The following KSR1 variants were observed in gnomAD, a reference collection of about 807,000 sequenced individuals.
KSR1 encodes kinase suppressor of ras.
In KSR1, 35 loss-of-function variants were observed where a neutral mutation model predicts 92.9. The observed-to-expected ratio is 0.38, with a 90% CI of 0.29 to 0.50. KSR1 has a LOEUF of 0.50. KSR1 is among the 20% of genes least tolerant of loss of function. The pLI is 0.94. For synonymous variants in KSR1, 467 were observed against 472.6 expected (o/e 0.99, Z 0.15); for missense variants, 972 against 1,158.5 (o/e 0.84, Z 2.34).
At chr17:27,542,652 G>T (rs1324385770) in intron 1 of KSR1, among the ~76,000 whole-genome samples, 3 of 152,192 alleles carry the variant, frequency 2.0e-5, no homozygotes, top group Admixed American at 6.5e-5. Flanking sequence ...AAAAGCCTGG[G>T]TGGGGTATAA....
intron 1 of KSR1, among the ~76,000 whole-genome samples, chr17:27,487,597 A>C (rs1019177697): frequency 1.1e-4 from 17 of 152,020 alleles, no homozygotes; most frequent in Middle Eastern, 3.4e-3. Flanking sequence ...AAAAAAAAAA[A>C]AAAAAGGTTT....
intron 1 of KSR1, among the ~76,000 whole-genome samples, chr17:27,511,896 C>T (rs142239268): frequency 3.1e-4 from 47 of 152,318 alleles, no homozygotes; most frequent in Non-Finnish European, 6.3e-4. Flanking sequence ...TAAGCACACC[C>T]GACAAACATC....
rs997956421 is a variant in KSR1, at chr17:27,559,288, C to T, written c.372+8580C>T. ...CTCTGCGGCTCCGAGCCTGCTGCGGCGCTGCATGCCTGACCTTTGGTTCCT... is the reference window on the plus strand; with the variant it reads ...CTCTGCGGCTCCGAGCCTGCTGCGGTGCTGCATGCCTGACCTTTGGTTCCT... On this transcript the variant is annotated intron_variant, in intron 2 of 20. Coordinates refer to ENST00000644974, the MANE Select transcript of KSR1 (RefSeq NM_001394583.1). This position sits in a 1 kb window ranked among gnomAD's most constrained non-coding sequence, Gnocchi z 4.2. Among the ~76,000 whole-genome samples, 4 of 152,196 alleles carry T rather than the reference C, an allele frequency of 2.6e-5. No individual in the cohort carries two copies. The highest frequency in any genetic ancestry group is 5.9e-5 in the Non-Finnish European group (4 of 68,038).
chr17:27,560,171 T>G (rs2071766213), intron 2 of KSR1: 1 of 312,704 alleles, frequency 3.2e-6, no homozygotes, highest in Non-Finnish European at 6.2e-6. Context: ...TATGGCTGTT[T>G]CAAGCGGCCC....
At chr17:27,505,417 T>C (rs1262914166) in intron 1 of KSR1, among the ~76,000 whole-genome samples, 1 of 152,248 alleles carries the variant, frequency 6.6e-6, no homozygotes, top group East Asian at 1.9e-4. Flanking sequence ...TCCAAGAAGG[T>C]GCCTGCCTGC....
chr17:27,598,532 A>G (rs527497959), intron 10 of KSR1, among the ~76,000 whole-genome samples: 67 of 152,244 alleles, frequency 4.4e-4, no homozygotes, highest in African/African-American at 1.5e-3. Context: ...ATCTCCTGAC[A>G]TTCACGCGTT....
chr17:27,577,418 C>A lies in KSR1; in HGVS notation c.373-74C>A, dbSNP rs1373862482. 4 of 947,792 alleles carry A rather than the reference C, an allele frequency of 4.2e-6. No individual in the cohort carries two copies. Among genetic ancestry groups the A allele is most frequent in the Non-Finnish European group, 6.4e-6 (4 of 629,286 alleles). The allele number at this position is 947,792 out of a possible 1,614,324, so 58.7% of individuals were successfully genotyped here. On this transcript the variant is annotated intron_variant, in intron 2 of 20. Coordinates refer to ENST00000644974, the MANE Select transcript of KSR1 (RefSeq NM_001394583.1). The surrounding 1 kb of genome is among the most constrained non-coding windows in gnomAD (Gnocchi z 4.5). ...CTGGCCCCTGCCACTCAGCAGGAGG[C>A]CAGCCTGAGGCTGAGGGGCTCCCGG...
At chr17:27,592,973 C>G (rs576662098) in intron 9 of KSR1, among the ~76,000 whole-genome samples, 25 of 152,324 alleles carry the variant, frequency 1.6e-4, no homozygotes, top group South Asian at 4.1e-4. Flanking sequence ...CACAGCATCC[C>G]GAGAGCAAGA....
chr17:27,605,841 G>C, intron 14 of KSR1, 28 bp downstream of exon 14: 3 of 1,609,918 alleles, frequency 1.9e-6, no homozygotes, highest in Non-Finnish European at 2.5e-6. Flanking sequence ...CCTCATGCTG[G>C]ATGGCCAGCT....
intron 15 of KSR1, among the ~76,000 whole-genome samples, chr17:27,608,243 G>A (rs1288428473): frequency 6.6e-6 from 1 of 152,184 alleles, no homozygotes; most frequent in East Asian, 1.9e-4. Context: ...GACTTGGTTG[G>A]GAAGGAACTT....
At chr17:27,478,966 C>A in intron 1 of KSR1, among the ~76,000 whole-genome samples, 1 of 151,132 alleles carries the variant, frequency 6.6e-6, no homozygotes, top group South Asian at 2.1e-4. Context: ...TCATGCTCCT[C>A]CCTCCTTCCA....
chr17:27,597,464 T>C (rs2073386976), intron 10 of KSR1, 28 bp downstream of exon 10: 2 of 1,576,872 alleles, frequency 1.3e-6, no homozygotes, highest in East Asian at 4.5e-5. Flanking sequence ...TTTTCTGGGT[T>C]CTAAGGGATA....
chr17:27,597,448 C>T lies in KSR1; in HGVS notation c.1468+12C>T, dbSNP rs370147483. 316 of 1,592,466 alleles carry T rather than the reference C, an allele frequency of 2.0e-4. No individual in the cohort carries two copies. Among genetic ancestry groups the T allele is most frequent in the Non-Finnish European group, 2.0e-4 (234 of 1,167,328 alleles). ...GTTCAACTTCCCAGGTACCACATCT[C>T]CAGGCTTTTCTGGGTTCTAAGGGAT... On this transcript the variant is annotated intron_variant, in intron 10 of 20. Coordinates refer to ENST00000644974, the MANE Select transcript of KSR1 (RefSeq NM_001394583.1).
intron 1 of KSR1, among the ~76,000 whole-genome samples, chr17:27,544,270 G>C (rs925253827): frequency 2.6e-5 from 4 of 152,184 alleles, no homozygotes; most frequent in African/African-American, 9.7e-5. Context: ...TCCTAGGTAT[G>C]GCTGGATAGG....
intron 1 of KSR1, among the ~76,000 whole-genome samples, chr17:27,473,534 A>G (rs1009985176): frequency 3.9e-5 from 6 of 152,186 alleles, no homozygotes; most frequent in African/African-American, 4.8e-5. Context: ...AGCAGCCTGT[A>G]GGGCTGGGGT....
intron 1 of KSR1, among the ~76,000 whole-genome samples, chr17:27,469,410 T>C (rs779321238): frequency 5.3e-5 from 8 of 152,226 alleles, no homozygotes; most frequent in Non-Finnish European, 1.2e-4. Context: ...ACAATCGTGA[T>C]GTCACTATGG....
chr17:27,507,915 A>G (rs956551721), intron 1 of KSR1, among the ~76,000 whole-genome samples: 1 of 152,136 alleles, frequency 6.6e-6, no homozygotes, highest in Non-Finnish European at 1.5e-5. Flanking sequence ...CATACCAAGT[A>G]CATCTCTTGG....
rs2019323787 is a variant in KSR1, at chr17:27,459,272, C to T, written c.231+2398C>T. 6.6e-6 allele frequency among the ~76,000 whole-genome samples: 1 copy of T among 152,346 alleles called. No individual in the cohort carries two copies. The highest frequency in any genetic ancestry group is 3.4e-3 in the Middle Eastern group (1 of 294). On this transcript the variant is annotated intron_variant, in intron 1 of 20. Transcript: ENST00000644974. The surrounding 1 kb of genome is among the most constrained non-coding windows in gnomAD (Gnocchi z 4.6). ...GTGCTGATACTACGAAAAGAGTCTGCCTGGCAGCTGCCCCTAGTGAGGGTC... is the reference window on the plus strand; with the variant it reads ...GTGCTGATACTACGAAAAGAGTCTGTCTGGCAGCTGCCCCTAGTGAGGGTC...
At chr17:27,494,362 A>G (rs2068915546) in intron 1 of KSR1, among the ~76,000 whole-genome samples, 1 of 152,126 alleles carries the variant, frequency 6.6e-6, no homozygotes, top group Non-Finnish European at 1.5e-5. Context: ...GCAGGTGAGC[A>G]TTCAGGCCTG....
Sources: allele counts gnomAD v4.1 joint callset (sites outside exome capture counted in the v4.1 genomes callset), GRCh38; gene constraint gnomAD v4.1.1; non-coding constraint Gnocchi (gnomAD v3.1); transcripts MANE v1.5; gene names NCBI Gene and HGNC (gene_info 2026-07-23, HGNC 2026-07-21).